The following PLXNB3 variants were observed in gnomAD, a reference collection of about 807,000 sequenced individuals.
PLXNB3 encodes plexin B3, also known as plexin-B3.
PLXNB3 carries 80 observed loss-of-function variants against 125.7 expected under a neutral mutation model. The ratio of observed to expected loss-of-function variants is 0.64; its 90% CI spans 0.53 to 0.77. The LOEUF (loss-of-function observed/expected upper bound fraction) is 0.77, where lower values mean the gene tolerates loss of function less well. Among genes scored for constraint, PLXNB3 ranks in the 30% least tolerant of loss-of-function variants. The probability of loss-of-function intolerance (pLI) is 0.00; values close to 1 mark genes in which losing one functional copy is unlikely to be tolerated. For missense variants in PLXNB3, 1,836 were observed against 1,729.3 expected, an observed-to-expected ratio of 1.06 and a Z score of -1.09; for synonymous variants, 954 against 783.3, an observed-to-expected ratio of 1.22 and a Z score of -3.64.
In PLXNB3 at chrX:153,769,813, C is replaced by T. The variant is rs782235610; in HGVS notation, c.1503C>T (p.Thr501=). The part of the protein sequence containing the change: ...CGWCVLQGRC[T]RKGQCGRAGQ... ...ATGGACCCCTGCCTGGCAGGTGTAC[C>T]CGGAAGGGCCAGTGCGGGCGGGCAG... is the stretch of plus-strand genomic sequence containing the variant. Residue 501 remains threonine, a synonymous_variant, in exon 7 of 36, where the codon ACC becomes ACT. Coordinates refer to ENST00000361971, the MANE Select transcript of PLXNB3 (RefSeq NM_005393.3). 1 of 1,203,167 alleles carries T rather than the reference C, an allele frequency of 8.3e-7. No homozygotes were observed. The highest frequency in any genetic ancestry group is 1.1e-6 in the Non-Finnish European group (1 of 892,770).
In PLXNB3 at chrX:153,767,191, G is replaced by C. The variant is rs2091867744; in HGVS notation, c.364G>C (p.Val122Leu). The change falls in exon 3 of 36, where the codon GTG (valine) becomes CTG (leucine). Residue 122 changes from valine to leucine, a missense_variant. Physicochemically the swap from Val to Leu is conservative, Grantham distance 32. Coordinates refer to ENST00000361971, the MANE Select transcript of PLXNB3 (RefSeq NM_005393.3). ...TGACAATGCCAACCAGCTGCTGCTG[G>C]TGAGCAGCCGCGCCCAGGAGCTGGT... Reference protein sequence around the residue: ...LTDNANQLLLVSSRAQELVAC... With the variant: ...LTDNANQLLLLSSRAQELVAC... The C allele has an allele frequency of 8.3e-7, 1 of 1,204,750 alleles. No homozygotes were observed. Among genetic ancestry groups the C allele is most frequent in the South Asian group, 1.8e-5 (1 of 56,147 alleles).
In PLXNB3 at chrX:153,767,831, C is replaced by CGGCG. The variant is rs1569541724; in HGVS notation, c.1010_1013dup (p.Gly340ProfsTer25). 8.7e-7 allele frequency: 1 copy of CGGCG among 1,147,980 alleles called. No individual in the cohort carries two copies. 94.6% of individuals were successfully genotyped at this position (1,147,980 alleles called of 1,213,427 possible). A position where few individuals can be genotyped will look rare whatever the true frequency, so the allele number is the denominator to read the frequency against. ...GAGCAGGCCCGGAGACTCTGCTACA[C>CGGCG]GGCGGGCGGCCGGGGCCCCAGCGGC... is the stretch of plus-strand genomic sequence containing the variant. On this transcript the variant is annotated frameshift_variant, in exon 3 of 36. Transcript: ENST00000361971. LOFTEE classifies it high-confidence loss of function.
At position 153,767,333 on chromosome X, in the gene PLXNB3, C is replaced by T. The variant is rs1264091848; in HGVS notation, c.506C>T (p.Pro169Leu). 47 of 1,202,739 alleles carry T rather than the reference C, an allele frequency of 3.9e-5. No homozygotes were observed. The highest frequency in any genetic ancestry group is 7.2e-5 in the South Asian group (4 of 55,668). The part of the protein sequence containing the change: ...GDGQFVAANT[P>L]GVATVGLVVP... Reference sequence around the variant, plus strand: ...GGGCAGTTTGTGGCTGCCAATACCCCGGGAGTGGCAACGGTGGGGCTGGTG... The same window carrying T: ...GGGCAGTTTGTGGCTGCCAATACCCTGGGAGTGGCAACGGTGGGGCTGGTG... The change falls in exon 3 of 36, where the codon CCG becomes CTG. Residue 169 changes from proline to leucine, a missense_variant. Transcript: ENST00000361971.
chrX:153,772,831 G>T (rs1165713776), intron 16 of PLXNB3, 55 bp from the exon 17 acceptor site: 2 of 1,066,200 alleles, frequency 1.9e-6, no homozygotes, highest in Non-Finnish European at 2.4e-6. Context: ...TGGCCCAGGG[G>T]GGTGAAAGGG....
chrX:153,775,244 A>G lies in PLXNB3; in HGVS notation c.4175A>G (p.Glu1392Gly). The change falls in exon 25 of 36, where the codon GAG (glutamate) becomes GGG (glycine). Residue 1392 changes from glutamate to glycine, a missense_variant. Coordinates refer to ENST00000361971, the MANE Select transcript of PLXNB3 (RefSeq NM_005393.3). Reference sequence around the variant, plus strand: ...GCTCAGCTCATCCACACCCTGGAGGAGCAGCCCAGCTTTTCCCAGAGGGAT... The same window carrying G: ...GCTCAGCTCATCCACACCCTGGAGGGGCAGCCCAGCTTTTCCCAGAGGGAT... ...FLLTLIHTLE[E>G]QPSFSQRDRC... is the part of the protein sequence containing the mutation. 3 of 1,190,631 alleles carry G rather than the reference A, an allele frequency of 2.5e-6. No homozygotes were observed. In the South Asian group the frequency reaches 5.6e-5, roughly 22 times the overall value.
rs1557058833 is a variant in PLXNB3 at position 153,765,500 on chromosome X, C to T, written c.-36C>T. The T allele has an allele frequency of 8.5e-7, 1 of 1,177,746 alleles. No individual in the cohort carries two copies. Among genetic ancestry groups the T allele is most frequent in the Non-Finnish European group, 1.1e-6 (1 of 877,365 alleles). On this transcript the variant is annotated 5_prime_UTR_variant, in exon 2 of 36. Transcript: ENST00000361971. ...ATGCCCCCCCGCAGCCATCTCATGC[C>T]CATCGCCACTGCCCTGGGGCAGCTG...
intron 13 of PLXNB3, 28 bp from the exon 14 acceptor site, chrX:153,771,458 G>T (rs782406980): frequency 1.7e-6 from 2 of 1,208,454 alleles, no homozygotes; most frequent in Middle Eastern, 2.3e-4. Context: ...GACAGGAGGC[G>T]CTCAGCACAC....
At chrX:153,773,161 G>A (rs2091951853) in intron 17 of PLXNB3, 69 bp from the exon 18 acceptor site, 4 of 1,109,647 alleles carry the variant, frequency 3.6e-6, no homozygotes, top group Non-Finnish European at 4.8e-6. Flanking sequence ...TCTCCTACGG[G>A]GGTTGGGCCA....
chrX:153,777,789 G>T, intron 31 of PLXNB3, 101 bp downstream of exon 31: 1 of 1,080,429 alleles, frequency 9.3e-7, no homozygotes, highest in Non-Finnish European at 1.3e-6. Flanking sequence ...GGGGTTTCTG[G>T]AACTTACAGG....
chrX:153,768,444 T>C lies in PLXNB3; in HGVS notation c.1266+16T>C, dbSNP rs1482249683. 8.5e-7 allele frequency: 1 copy of C among 1,178,926 alleles called. No homozygotes were observed. Among genetic ancestry groups the C allele is most frequent in the Admixed American group, 2.2e-5 (1 of 44,761 alleles). ...GCTGTACAAGGTGAGGGCCCGGCCT[T>C]GCTGTCCGGCTGGGTGTGCCCCTGG... On this transcript the variant is annotated intron_variant, in intron 4 of 35. Transcript: ENST00000361971.
intron 4 of PLXNB3, 87 bp downstream of exon 4, chrX:153,768,515 C>G: frequency 2.3e-6 from 2 of 886,530 alleles, no homozygotes; most frequent in East Asian, 3.5e-5. Flanking sequence ...CCTCTTAGCC[C>G]GCATCCCACG....
rs781795736 is a variant in PLXNB3, at chrX:153,767,035, G to A, written c.208G>A (p.Ala70Thr). ...APGRGTLYVG[A>T]VNRLFQLSPE... ...TGGCCGAGGCACACTCTATGTCGGC[G>A]CAGTGAACCGCCTCTTCCAGCTCAG... Residue 70 changes from alanine (A) to threonine (T), a missense_variant, in exon 3 of 36, where the codon GCA becomes ACA. Ala to Thr is a moderately conservative substitution (Grantham distance 58, BLOSUM62 0). Transcript: ENST00000361971. 3.3e-6 allele frequency: 4 copies of A among 1,210,636 alleles called. No individual in the cohort carries two copies. Among genetic ancestry groups the A allele is most frequent in the Non-Finnish European group, 3.4e-6 (3 of 895,440 alleles).
rs782420042 is a variant in PLXNB3 at position 153,768,456 on chromosome X, G to C, written c.1266+28G>C. Reference sequence around the variant, plus strand: ...GAGGGCCCGGCCTTGCTGTCCGGCTGGGTGTGCCCCTGGCCACGGAGGCTC... The same window carrying C: ...GAGGGCCCGGCCTTGCTGTCCGGCTCGGTGTGCCCCTGGCCACGGAGGCTC... On this transcript the variant is annotated intron_variant, in intron 4 of 35. Transcript: ENST00000361971. 2.6e-6 allele frequency: 3 copies of C among 1,162,313 alleles called. No homozygotes were observed. In the African/African-American group the frequency reaches 5.3e-5, roughly 21 times the overall value.
intron 12 of PLXNB3, 71 bp from the exon 13 acceptor site, chrX:153,771,239 T>C: frequency 2.1e-6 from 2 of 957,354 alleles, no homozygotes; most frequent in Middle Eastern, 2.7e-4. Flanking sequence ...TTCTGGGGGG[T>C]GGCCCAGAGG....
chrX:153,775,224 G>C lies in PLXNB3; in HGVS notation c.4156-1G>C. ...AGGATGAGCCTCCGACCCCTGCTCA[G>C]CTCATCCACACCCTGGAGGAGCAGC... On this transcript the variant is annotated splice_acceptor_variant, in intron 24 of 35. Transcript: ENST00000361971. LOFTEE classifies it high-confidence loss of function. The C allele has an allele frequency of 1.7e-6, 2 of 1,176,614 alleles. No individual in the cohort carries two copies. The highest frequency in any genetic ancestry group is 2.3e-6 in the Non-Finnish European group (2 of 877,560).
In PLXNB3 at chrX:153,777,556, C is replaced by A. The variant is rs144227320; in HGVS notation, c.5129C>A (p.Thr1710Asn). The A allele has an allele frequency of 5.8e-6, 7 of 1,210,727 alleles. No individual in the cohort carries two copies. The highest frequency in any genetic ancestry group is 7.8e-6 in the Non-Finnish European group (7 of 895,307). Residue 1710 changes from threonine (T) to asparagine (N), a missense_variant, in exon 31 of 36, where the codon ACC (threonine) becomes AAC (asparagine). Physicochemically the swap from Thr to Asn is moderately conservative, Grantham distance 65. Coordinates refer to ENST00000361971, the MANE Select transcript of PLXNB3 (RefSeq NM_005393.3). Reference sequence around the variant, plus strand: ...ACGCTGCAGAAGTTTGTGGACGACACCTTCCAGGCCATTCTCAGCGTGAAC... The same window carrying A: ...ACGCTGCAGAAGTTTGTGGACGACAACTTCCAGGCCATTCTCAGCGTGAAC... ...KGTLQKFVDD[T>N]FQAILSVNRP...
intron 16 of PLXNB3, 99 bp downstream of exon 16, chrX:153,772,386 A>G: frequency 1.6e-6 from 1 of 630,159 alleles, no homozygotes; most frequent in Non-Finnish European, 2.5e-6. Flanking sequence ...GTCTGCGGGG[A>G]GCAGGAAGCA....
At chrX:153,766,502 C>A in intron 2 of PLXNB3, 3 of 1,045,102 alleles carry the variant, frequency 2.9e-6, no homozygotes, top group Admixed American at 4.6e-5. Flanking sequence ...ATCCCTGCCC[C>A]CTCTGTGACT....
In PLXNB3 at chrX:153,767,575, C is replaced by A. The variant is rs1205162516; in HGVS notation, c.748C>A (p.Arg250Ser). 1 of 1,172,776 alleles carries A rather than the reference C, an allele frequency of 8.5e-7. No individual in the cohort carries two copies. The highest frequency in any genetic ancestry group is 2.4e-5 in the Admixed American group (1 of 41,126). ...CCGCTCCGCCTACTTCGTGTTCCGCCGCCGCGGGGCCCGGGCCCAGGCTGA... is the reference window on the plus strand; with the variant it reads ...CCGCTCCGCCTACTTCGTGTTCCGCAGCCGCGGGGCCCGGGCCCAGGCTGA... ...DARSAYFVFRRRGARAQAEYR... is the reference protein window; with the variant it reads ...DARSAYFVFRSRGARAQAEYR... Residue 250 changes from arginine (R) to serine (S), a missense_variant, in exon 3 of 36, where the codon CGC becomes AGC. Physicochemically the swap from Arg to Ser is moderately radical, Grantham distance 110. Coordinates refer to ENST00000361971, the MANE Select transcript of PLXNB3 (RefSeq NM_005393.3).
Sources: gnomAD v4.1 joint callset for allele counts on GRCh38, gnomAD v4.1.1 for gene constraint, MANE v1.5 for transcripts, NCBI Gene and HGNC (gene_info 2026-07-23, HGNC 2026-07-21) for gene names.